The following ATP8B4 variants were observed in gnomAD, a reference collection of about 807,000 sequenced individuals.
ATP8B4 encodes the protein probable phospholipid-transporting ATPase IM.
ATP8B4 carries 133 observed loss-of-function variants against 145.6 expected under a neutral mutation model. The ratio of observed to expected loss-of-function variants is 0.91; its 90% CI spans 0.79 to 1.05. The LOEUF (loss-of-function observed/expected upper bound fraction) is 1.05, where lower values mean the gene tolerates loss of function less well. ATP8B4 is among the 50% of genes least tolerant of loss of function. ATP8B4 has a pLI of 0.00. For synonymous variants in ATP8B4, 507 were observed against 492.9 expected (o/e 1.03, Z -0.38); for missense variants, 1,458 against 1,425.2 (o/e 1.02, Z -0.37).
chr15:50,164,170 A>G (rs957487945), intron 1 of ATP8B4, among the ~76,000 whole-genome samples: 1 of 151,920 alleles, frequency 6.6e-6, no homozygotes, highest in African/African-American at 2.4e-5. Context: ...AGCTCCCTTT[A>G]CTCATCACAT....
At chr15:50,116,534 A>G (rs1375328768) in intron 1 of ATP8B4, among the ~76,000 whole-genome samples, 1 of 152,208 alleles carries the variant, frequency 6.6e-6, no homozygotes, top group Non-Finnish European at 1.5e-5. Flanking sequence ...AGATTTGTAG[A>G]CTTGGAATCA....
intron 6 of ATP8B4, among the ~76,000 whole-genome samples, chr15:50,013,721 A>G (rs2048882308): frequency 6.6e-6 from 1 of 152,180 alleles, no homozygotes; most frequent in Non-Finnish European, 1.5e-5. Flanking sequence ...AGCAACTAGA[A>G]TTATTTGAAG....
chr15:50,086,162 TA>T (rs370784088), intron 2 of ATP8B4, among the ~76,000 whole-genome samples: 23,756 of 58,742 alleles, frequency 0.4, 4,373 homozygotes, highest in East Asian at 0.52. Context: ...TTATATATAA[TA>T]AAATAATATA....
At chr15:49,897,642 T>C (rs2037554472) in intron 22 of ATP8B4, 127 bp from the exon 23 acceptor site, 2 of 778,564 alleles carry the variant, frequency 2.6e-6, no homozygotes, top group South Asian at 7.0e-5. Flanking sequence ...ACATATATTA[T>C]CTGATGAAAC....
chr15:50,065,294 T>G (rs1301927454), intron 3 of ATP8B4, among the ~76,000 whole-genome samples: 1 of 152,166 alleles, frequency 6.6e-6, no homozygotes, highest in Admixed American at 6.6e-5. Flanking sequence ...TGGTACTAGT[T>G]TCATAATAGT....
intron 14 of ATP8B4, among the ~76,000 whole-genome samples, chr15:49,939,282 C>T (rs2041975754): frequency 6.6e-6 from 1 of 151,374 alleles, no homozygotes; most frequent in African/African-American, 2.4e-5. Context: ...CAATTGAGAC[C>T]CAAAAGTCTA....
At chr15:50,108,884 T>C (rs1237314863) in intron 1 of ATP8B4, among the ~76,000 whole-genome samples, 1 of 152,196 alleles carries the variant, frequency 6.6e-6, no homozygotes, top group Non-Finnish European at 1.5e-5. Flanking sequence ...CTAATGCCTG[T>C]CTGGCACGTA....
At chr15:50,172,859 T>C (rs1193540585) in intron 1 of ATP8B4, among the ~76,000 whole-genome samples, 6 of 134,254 alleles carry the variant, frequency 4.5e-5, no homozygotes, top group Non-Finnish European at 6.4e-5. Context: ...GTGAGGAGCG[T>C]CTCTGACCGG....
Position 49,979,724 on chromosome 15 carries a change from G to C in ATP8B4, c.927C>G (p.Phe309Leu). The change falls in exon 12 of 28, where the codon TTC (phenylalanine) becomes TTG (leucine). Residue 309 changes from phenylalanine to leucine, a missense_variant. Transcript: ENST00000284509. ...ESQTGDQFRT[F>L]LFWNEGEKSS... is the part of the protein sequence containing the mutation. ...TCTTCTCTCCTTCATTCCAAAAGAG[G>C]AAAGTTCTGAATTGGTCCCCAGTTT... 1 of 1,610,016 alleles carries C rather than the reference G, an allele frequency of 6.2e-7. No individual in the cohort carries two copies. The highest frequency in any genetic ancestry group is 8.5e-7 in the Non-Finnish European group (1 of 1,176,756).
At chr15:50,011,068 G>C in intron 6 of ATP8B4, 151 bp from the exon 7 acceptor site, 1 of 521,164 alleles carries the variant, frequency 1.9e-6, no homozygotes, top group Non-Finnish European at 3.3e-6. Context: ...ATTAACACGG[G>C]AACAAAGGCC....
At position 49,926,235 on chromosome 15, in the gene ATP8B4, G is replaced by C. The variant is rs150478553; in HGVS notation, c.1643-2741C>G. Among the ~76,000 whole-genome samples, 330 of 152,112 alleles carry C rather than the reference G, an allele frequency of 2.2e-3. 3 individuals are homozygous for C. The highest frequency in any genetic ancestry group is 7.6e-3 in the African/African-American group (314 of 41,494). On this transcript the variant is annotated intron_variant, in intron 16 of 27. Coordinates refer to ENST00000284509, the MANE Select transcript of ATP8B4 (RefSeq NM_024837.4). ...GCTCAAGCACACCAAACTCATACTG[G>C]ACATATTACCCTCCTCCAATAATTA...
chr15:50,087,276 AATAGAATAAT>A (rs1480339739), intron 2 of ATP8B4, among the ~76,000 whole-genome samples: 9 of 136,476 alleles, frequency 6.6e-5, no homozygotes, highest in Admixed American at 6.0e-4. Flanking sequence ...TATTATATAT[AATAGAATAAT>A]ATATAGATCT....
chr15:49,890,920 C>T (rs1231438812), intron 23 of ATP8B4, among the ~76,000 whole-genome samples: 1 of 152,214 alleles, frequency 6.6e-6, no homozygotes, highest in African/African-American at 2.4e-5. Context: ...TGGTAGAACA[C>T]CTGCTCTAGA....
chr15:50,113,235 G>A (rs1312079517), intron 1 of ATP8B4: 1 of 152,304 alleles, frequency 6.6e-6, no homozygotes, highest in African/African-American at 2.4e-5. Flanking sequence ...GAGCAGGTAG[G>A]ATTGGGGAAC....
intron 23 of ATP8B4, among the ~76,000 whole-genome samples, chr15:49,888,189 T>C (rs945109352): frequency 1.1e-4 from 17 of 152,200 alleles, no homozygotes; most frequent in Admixed American, 9.2e-4. Context: ...GCCTGAGCAC[T>C]CGTCCAGTCC....
chr15:49,898,726 C>T (rs867189997), intron 21 of ATP8B4, among the ~76,000 whole-genome samples: 100 of 152,110 alleles, frequency 6.6e-4, no homozygotes, highest in African/African-American at 2.2e-3. Context: ...TGTTAATGTG[C>T]AGGCAAAATG....
At chr15:49,907,001 C>G (rs906335122) in intron 20 of ATP8B4, among the ~76,000 whole-genome samples, 1 of 152,104 alleles carries the variant, frequency 6.6e-6, no homozygotes, top group South Asian at 2.1e-4. Flanking sequence ...TATAAGAACA[C>G]AAGTCATCTT....
At chr15:49,944,664 C>T (rs1337541796) in intron 14 of ATP8B4, among the ~76,000 whole-genome samples, 1 of 152,002 alleles carries the variant, frequency 6.6e-6, no homozygotes, top group Non-Finnish European at 1.5e-5. Flanking sequence ...GAAATCCAGA[C>T]AGATCAATAA....
chr15:49,862,866 G>C (rs2032101432), intron 26 of ATP8B4, among the ~76,000 whole-genome samples: 2 of 152,162 alleles, frequency 1.3e-5, no homozygotes, highest in South Asian at 4.1e-4. Flanking sequence ...ATCACTTAGA[G>C]ATTACCAGCC....
Sources: gnomAD v4.1 joint callset for allele counts (sites outside exome capture counted in the v4.1 genomes callset) on GRCh38, gnomAD v4.1.1 for gene constraint, MANE v1.5 for transcripts, NCBI Gene and HGNC (gene_info 2026-07-23, HGNC 2026-07-21) for gene names.